The following IAPP variants were observed in gnomAD, a reference collection of about 807,000 sequenced individuals.
IAPP encodes Islet amyloid polypeptide (diabetes-associated peptide; amylin).
In IAPP, 4 loss-of-function variants were observed where a neutral mutation model predicts 2.9. The observed-to-expected ratio is 1.39, with a 90% CI of 0.69 to 3.19. The LOEUF (loss-of-function observed/expected upper bound fraction) is 3.19, where lower values mean the gene tolerates loss of function less well. Ranked by LOEUF, IAPP falls within the 30% of genes most tolerant of loss-of-function variation. IAPP has a pLI of 0.01. For missense variants in IAPP, 114 were observed against 105.3 expected, an observed-to-expected ratio of 1.08 and a Z score of -0.36; for synonymous variants, 40 against 42.1, an observed-to-expected ratio of 0.95 and a Z score of 0.19.
At chr12:21,371,386 C>T (rs1939777361), upstream of IAPP, among the ~76,000 whole-genome samples, 1 of 145,192 alleles carries the variant, frequency 6.9e-6, no homozygotes, top group African/African-American at 2.7e-5. Context: ...ATGCATTATC[C>T]TTCCATTTCT....
upstream of IAPP, among the ~76,000 whole-genome samples, chr12:21,368,916 G>A (rs1261435256): frequency 6.6e-6 from 1 of 152,028 alleles, no homozygotes; most frequent in Admixed American, 6.5e-5. Context: ...CATATAAAAT[G>A]TAAATTTAAT....
At chr12:21,366,680 C>T (rs1228087171) in intron 1 of IAPP, among the ~76,000 whole-genome samples, 1 of 151,832 alleles carries the variant, frequency 6.6e-6, no homozygotes, top group Non-Finnish European at 1.5e-5. Flanking sequence ...AAATAGCATC[C>T]TCAGAGATAA....
chr12:21,368,884 TTCTTC>T (rs1200870532), upstream of IAPP, among the ~76,000 whole-genome samples: 1 of 152,174 alleles, frequency 6.6e-6, no homozygotes, highest in Non-Finnish European at 1.5e-5. Flanking sequence ...CTGAATCTTC[TTCTTC>T]TAATATGGGA....
chr12:21,356,582 G>A (rs900757278), intron 1 of IAPP, among the ~76,000 whole-genome samples: 1 of 152,018 alleles, frequency 6.6e-6, no homozygotes, highest in Non-Finnish European at 1.5e-5. Flanking sequence ...TTTTGAAAAA[G>A]CATTAAATGT....
In IAPP at chr12:21,378,449, ATTGTT is replaced by A; in HGVS notation, c.*26_*30del. 6.3e-7 allele frequency: 1 copy of A among 1,574,854 alleles called. No homozygotes were observed. Among genetic ancestry groups the A allele is most frequent in the African/African-American group, 1.3e-5 (1 of 74,202 alleles). The stretch of plus-strand genomic sequence containing the variant: ...TAGAGGACAATGTAACTCTATAGTT[ATTGTT>A]TTATGTTCTAGTGATTTCCTGTATA... On this transcript the variant is annotated 3_prime_UTR_variant, in exon 3 of 3. Transcript: ENST00000240652.
At chr12:21,360,254 G>A (rs948230894) in intron 1 of IAPP, among the ~76,000 whole-genome samples, 49 of 152,198 alleles carry the variant, frequency 3.2e-4, no homozygotes, top group African/African-American at 1.2e-3. Flanking sequence ...TTTCAGGAGT[G>A]TGTGCATTGG....
chr12:21,354,991 AAT>A (rs755129189), exon 1 of IAPP: 8 of 152,184 alleles, frequency 5.3e-5, no homozygotes, highest in Non-Finnish European at 2.9e-5. Flanking sequence ...GACCTATCCT[AAT>A]ATCTACATCT....
intron 1 of IAPP, among the ~76,000 whole-genome samples, chr12:21,366,431 A>G (rs996145007): frequency 1.3e-5 from 2 of 152,030 alleles, no homozygotes; most frequent in South Asian, 2.1e-4. Flanking sequence ...GCATTAGGAG[A>G]TATACCTAAT....
At chr12:21,371,450 G>T (rs1273587238), upstream of IAPP, among the ~76,000 whole-genome samples, 3 of 151,860 alleles carry the variant, frequency 2.0e-5, no homozygotes, top group Non-Finnish European at 2.9e-5. Context: ...TATTAAAATT[G>T]TAGAATCATT....
At chr12:21,355,871 A>T (rs2137027847) in intron 1 of IAPP, among the ~76,000 whole-genome samples, 1 of 152,334 alleles carries the variant, frequency 6.6e-6, no homozygotes, top group Middle Eastern at 3.4e-3. Context: ...ATTTCTAATT[A>T]ACCAAAAAAG....
chr12:21,369,393 C>T (rs1258032441), upstream of IAPP, among the ~76,000 whole-genome samples: 1 of 152,184 alleles, frequency 6.6e-6, no homozygotes, highest in Non-Finnish European at 1.5e-5. Flanking sequence ...CCTGTTTTTA[C>T]TCTTGCCACC....
At chr12:21,366,100 G>C (rs1000715124) in intron 1 of IAPP, among the ~76,000 whole-genome samples, 1 of 152,132 alleles carries the variant, frequency 6.6e-6, no homozygotes, top group Non-Finnish European at 1.5e-5. Flanking sequence ...ACATGCATAC[G>C]TATGTTTATT....
At chr12:21,355,115 T>C (rs1358404981) in intron 1 of IAPP, 1 of 152,192 alleles carries the variant, frequency 6.6e-6, no homozygotes, top group Non-Finnish European at 1.5e-5. Flanking sequence ...CTTTTCTTTA[T>C]CATATGATCC....
intron 2 of IAPP, among the ~76,000 whole-genome samples, chr12:21,377,297 G>A (rs1240217887): frequency 2.0e-5 from 3 of 152,140 alleles, no homozygotes; most frequent in Non-Finnish European, 2.9e-5. Context: ...CTGCAATAGA[G>A]TACCTGAACA....
chr12:21,362,663 C>T (rs141473756), intron 1 of IAPP, among the ~76,000 whole-genome samples: 57 of 152,134 alleles, frequency 3.7e-4, no homozygotes, highest in Admixed American at 1.4e-3. Flanking sequence ...CCATCTCACA[C>T]GCAGAGACAC....
upstream of IAPP, among the ~76,000 whole-genome samples, chr12:21,370,453 A>G (rs1244470209): frequency 6.7e-6 from 1 of 148,314 alleles, no homozygotes; most frequent in Non-Finnish European, 1.5e-5. Context: ...AACATTAGGT[A>G]TATCTCCTAA....
At chr12:21,360,779 T>C in intron 1 of IAPP, among the ~76,000 whole-genome samples, 1 of 152,198 alleles carries the variant, frequency 6.6e-6, no homozygotes, top group East Asian at 1.9e-4. Context: ...CCACGGAGGC[T>C]CGCTCACTGC....
chr12:21,370,346 T>C (rs1008706658), upstream of IAPP, among the ~76,000 whole-genome samples: 1 of 152,058 alleles, frequency 6.6e-6, no homozygotes, highest in Non-Finnish European at 1.5e-5. Context: ...TTTTTTATTA[T>C]ACTTTAAGTT....
chr12:21,371,512 A>G (rs574700116), upstream of IAPP, among the ~76,000 whole-genome samples: 123 of 152,316 alleles, frequency 8.1e-4, no homozygotes, highest in African/African-American at 2.7e-3. Flanking sequence ...TGAAATCTCT[A>G]CCAAACACCT....
Sources: gnomAD v4.1 joint callset for allele counts (sites outside exome capture counted in the v4.1 genomes callset) on GRCh38, gnomAD v4.1.1 for gene constraint, MANE v1.5 for transcripts, NCBI Gene and HGNC (gene_info 2026-07-23, HGNC 2026-07-21) for gene names.